TAFA2: variants seen among roughly 807,000 people sequenced by gnomAD.
The protein encoded by TAFA2 is TAFA chemokine like family member 2.
A neutral mutation model predicts 18.8 loss-of-function variants in TAFA2; 7 were observed. The observed-to-expected ratio is 0.37, with a 90% CI of 0.21 to 0.70. TAFA2 has a LOEUF of 0.70. Ranked by LOEUF, TAFA2 falls within the 30% of genes least tolerant of loss-of-function variation. The probability of loss-of-function intolerance (pLI) is 0.53; values close to 1 mark genes in which losing one functional copy is unlikely to be tolerated. For missense variants in TAFA2, 122 were observed against 158.1 expected (o/e 0.77, Z 1.23); for synonymous variants, 60 against 54.2 (o/e 1.11, Z -0.47).
chr12:61,990,501 G>T (rs1007956655), intron 1 of TAFA2, among the ~76,000 whole-genome samples: 10 of 151,746 alleles, frequency 6.6e-5, no homozygotes, highest in African/African-American at 1.7e-4. Flanking sequence ...CACCACGTCC[G>T]GCTAATTTTT....
intron 1 of TAFA2, among the ~76,000 whole-genome samples, chr12:62,137,531 A>AT (rs1380251909): frequency 6.6e-6 from 1 of 152,022 alleles, no homozygotes; most frequent in Non-Finnish European, 1.5e-5. Context: ...TTTACCTTCT[A>AT]TTTCTTCATG....
intron 1 of TAFA2, among the ~76,000 whole-genome samples, chr12:61,971,495 A>G (rs2136665398): frequency 6.6e-6 from 1 of 150,378 alleles, no homozygotes; most frequent in Middle Eastern, 3.5e-3. Flanking sequence ...AATAAAAAAA[A>G]GAAAAAAAGA....
intron 1 of TAFA2, among the ~76,000 whole-genome samples, chr12:61,966,119 A>G (rs1209260976): frequency 6.6e-6 from 1 of 151,834 alleles, no homozygotes; most frequent in Admixed American, 6.6e-5. Flanking sequence ...TTACTTTCCC[A>G]TCTACAGAGT....
At chr12:62,078,627 C>T (rs543434726) in intron 1 of TAFA2, among the ~76,000 whole-genome samples, 4 of 152,290 alleles carry the variant, frequency 2.6e-5, no homozygotes, top group Non-Finnish European at 4.4e-5. Context: ...CCCACCTCTA[C>T]GTGCCTACAC....
At chr12:61,999,775 G>T (rs1354236712) in intron 1 of TAFA2, among the ~76,000 whole-genome samples, 3 of 152,154 alleles carry the variant, frequency 2.0e-5, no homozygotes, top group Non-Finnish European at 4.4e-5. Flanking sequence ...TTAAAATCCT[G>T]CAATTAGAGC....
intron 1 of TAFA2, among the ~76,000 whole-genome samples, chr12:62,062,535 A>T (rs1047248355): frequency 1.3e-5 from 2 of 152,130 alleles, no homozygotes; most frequent in African/African-American, 4.8e-5. Flanking sequence ...GTCCAATCCC[A>T]CTACCTCCTT....
rs1047913361 is a variant in TAFA2, at chr12:61,963,090, G to A, written c.-1-95664C>T. Among the ~76,000 whole-genome samples the A allele has an allele frequency of 2.6e-5, 4 of 152,110 alleles. No individual in the cohort carries two copies. The East Asian group carries it at 7.8e-4, about 30-fold the overall frequency. On this transcript the variant is annotated intron_variant, in intron 1 of 4. Coordinates refer to ENST00000416284, the MANE Select transcript of TAFA2 (RefSeq NM_178539.5). ...TTATGGCTGCATAGTATTCCATGGTGTATATGTGCCATATTTTCTTTATCC... is the reference window on the plus strand; with the variant it reads ...TTATGGCTGCATAGTATTCCATGGTATATATGTGCCATATTTTCTTTATCC...
chr12:61,791,560 C>A (rs928062416), intron 2 of TAFA2, among the ~76,000 whole-genome samples: 9 of 151,530 alleles, frequency 5.9e-5, no homozygotes, highest in African/African-American at 2.2e-4. Flanking sequence ...GGCAAAAGAC[C>A]TGAATAGACA....
At chr12:62,056,264 A>G (rs1882185428) in intron 1 of TAFA2, among the ~76,000 whole-genome samples, 1 of 152,208 alleles carries the variant, frequency 6.6e-6, no homozygotes, top group African/African-American at 2.4e-5. Flanking sequence ...CCAGATATTT[A>G]AAACACTCCC....
intron 1 of TAFA2, among the ~76,000 whole-genome samples, chr12:62,184,499 A>AATCTTTTTTTTT (rs1555196652): frequency 2.9e-5 from 1 of 33,994 alleles, no homozygotes; most frequent in African/African-American, 1.2e-4. Context: ...GAAAAAAAAA[A>AATCTTTTTTTTT]TTCTTTTTTT....
chr12:62,082,928 T>C (rs1181274440), intron 1 of TAFA2, among the ~76,000 whole-genome samples: 2 of 152,192 alleles, frequency 1.3e-5, no homozygotes, highest in African/African-American at 4.8e-5. Context: ...TTTTTTTCCA[T>C]TTAATCCTTG....
chr12:61,740,853 T>C (rs1169961491), intron 4 of TAFA2, among the ~76,000 whole-genome samples: 2 of 122,554 alleles, frequency 1.6e-5, no homozygotes, highest in South Asian at 2.6e-4. Flanking sequence ...TGCTACTTAA[T>C]AGGAAAAAAA....
At chr12:62,157,062 T>A (rs1283966007) in intron 1 of TAFA2, among the ~76,000 whole-genome samples, 1 of 152,188 alleles carries the variant, frequency 6.6e-6, no homozygotes, top group East Asian at 1.9e-4. Flanking sequence ...AGTGATAAAA[T>A]TAAACTGTAA....
chr12:61,880,850 G>A, intron 1 of TAFA2: 1 of 234,714 alleles, frequency 4.3e-6, no homozygotes, highest in South Asian at 5.7e-5. Flanking sequence ...CTGTGCAGGG[G>A]AGCACAGGGA....
intron 2 of TAFA2, among the ~76,000 whole-genome samples, chr12:61,807,387 A>G (rs1205939791): frequency 6.6e-6 from 1 of 151,416 alleles, no homozygotes; most frequent in Non-Finnish European, 1.5e-5. Flanking sequence ...ATTTCAGAAG[A>G]TGTACGGAAG....
At chr12:61,977,210 GAC>G (rs1449749012) in intron 1 of TAFA2, among the ~76,000 whole-genome samples, 1 of 151,940 alleles carries the variant, frequency 6.6e-6, no homozygotes, top group Non-Finnish European at 1.5e-5. Context: ...TATGCTTTTT[GAC>G]CTAAGTCTCA....
chr12:61,778,573 G>T (rs143284997), intron 2 of TAFA2, among the ~76,000 whole-genome samples: 2 of 151,724 alleles, frequency 1.3e-5, no homozygotes, highest in African/African-American at 4.8e-5. Context: ...CCCATGGTAG[G>T]CTAGACAAAG....
intron 2 of TAFA2, among the ~76,000 whole-genome samples, chr12:61,800,388 G>A (rs1871353135): frequency 6.6e-6 from 1 of 152,008 alleles, no homozygotes; most frequent in African/African-American, 2.4e-5. Context: ...TTTATTAAAG[G>A]GAAACTGAAG....
chr12:61,828,356 A>G (rs1333836313), intron 2 of TAFA2, among the ~76,000 whole-genome samples: 1 of 151,928 alleles, frequency 6.6e-6, no homozygotes, highest in East Asian at 1.9e-4. Context: ...TCGTAAAACA[A>G]AAGAATTCTA....
Sources: gnomAD v4.1 joint callset for allele counts (sites outside exome capture counted in the v4.1 genomes callset) on GRCh38, gnomAD v4.1.1 for gene constraint, MANE v1.5 for transcripts, NCBI Gene and HGNC (gene_info 2026-07-23, HGNC 2026-07-21) for gene names.